LRRC4C: variants seen among roughly 807,000 people sequenced by gnomAD.
The protein encoded by LRRC4C is leucine-rich repeat-containing protein 4C.
A neutral mutation model predicts 33.6 loss-of-function variants in LRRC4C; 5 were observed. That is an observed-to-expected ratio of 0.15 (90% CI 0.08 to 0.31). LRRC4C has a LOEUF of 0.31. Among genes scored for constraint, LRRC4C ranks in the 10% least tolerant of loss-of-function variants. The pLI, the probability that LRRC4C is intolerant of heterozygous loss-of-function variation, is 1.00. For synonymous variants in LRRC4C, 329 were observed against 302.0 expected (o/e 1.09, Z -0.93); for missense variants, 560 against 796.7 (o/e 0.70, Z 3.58).
intron 1 of LRRC4C, among the ~76,000 whole-genome samples, chr11:41,113,632 G>A (rs1285534648): frequency 6.6e-6 from 1 of 152,086 alleles, no homozygotes; most frequent in Non-Finnish European, 1.5e-5. Flanking sequence ...TTGGCTGTAC[G>A]CTTCTTCTCT....
intron 2 of LRRC4C, among the ~76,000 whole-genome samples, chr11:40,914,586 A>G (rs934119171): frequency 3.7e-4 from 57 of 152,184 alleles, no homozygotes; most frequent in African/African-American, 1.4e-3. Flanking sequence ...CCCACAGCCA[A>G]TATCATACTG....
chr11:40,156,546 A>G (rs1046592271), intron 5 of LRRC4C, among the ~76,000 whole-genome samples: 1 of 152,182 alleles, frequency 6.6e-6, no homozygotes, highest in Non-Finnish European at 1.5e-5. Flanking sequence ...TCTTCTATAC[A>G]CCAACAGAAA....
rs189331665 is a variant in LRRC4C, at chr11:41,264,460, C to T, written c.-496+194971G>A. Among the ~76,000 whole-genome samples the T allele has an allele frequency of 7.2e-5, 11 of 152,190 alleles. No homozygotes were observed. In the East Asian group the frequency reaches 2.1e-3, roughly 29 times the overall value. On this transcript the variant is annotated intron_variant, in intron 1 of 6. Coordinates refer to ENST00000528697, the MANE Select transcript of LRRC4C (RefSeq NM_001258419.2). Reference sequence around the variant, plus strand: ...TCAGGATGGTGTCAAATGGCTCAAACTGTTGATACATAAAAGGAGTATATA... The same window carrying T: ...TCAGGATGGTGTCAAATGGCTCAAATTGTTGATACATAAAAGGAGTATATA...
rs372701355 is a variant in LRRC4C at position 41,421,879 on chromosome 11, C to T, written c.-496+37552G>A. ...AGTTTTAATTAAGCAGGAAGGAGTT[C>T]GAGGGTGTAGGACAGAGCAGATTGA... On this transcript the variant is annotated intron_variant, in intron 1 of 6. Coordinates refer to ENST00000528697, the MANE Select transcript of LRRC4C (RefSeq NM_001258419.2). Among the ~76,000 whole-genome samples, 508 of 152,024 alleles carry T rather than the reference C, an allele frequency of 3.3e-3. 3 individuals carry two copies. Among genetic ancestry groups the T allele is most frequent in the African/African-American group, 0.011 (463 of 41,486 alleles).
chr11:41,043,562 T>A (rs146052792), intron 1 of LRRC4C, among the ~76,000 whole-genome samples: 1 of 152,262 alleles, frequency 6.6e-6, no homozygotes, highest in African/African-American at 2.4e-5. Flanking sequence ...CCACACTAAA[T>A]AATATGAGTG....
At chr11:40,389,299 A>T (rs1268473606) in intron 3 of LRRC4C, among the ~76,000 whole-genome samples, 6 of 152,156 alleles carry the variant, frequency 3.9e-5, no homozygotes, top group Non-Finnish European at 7.4e-5. Flanking sequence ...GCCACTAAGA[A>T]AGAGCAGGGC....
chr11:40,799,966 A>G (rs545475234), intron 2 of LRRC4C, among the ~76,000 whole-genome samples: 1 of 152,298 alleles, frequency 6.6e-6, no homozygotes, highest in African/African-American at 2.4e-5. Context: ...CAGGTAACAC[A>G]CATTAAAAGA....
At chr11:40,585,060 G>A (rs1262060667) in intron 3 of LRRC4C, among the ~76,000 whole-genome samples, 1 of 152,084 alleles carries the variant, frequency 6.6e-6, no homozygotes, top group Non-Finnish European at 1.5e-5. Flanking sequence ...ACCATGTATT[G>A]GCACTGTCCT....
intron 5 of LRRC4C, among the ~76,000 whole-genome samples, chr11:40,153,352 C>A (rs1484124359): frequency 6.6e-6 from 1 of 152,122 alleles, no homozygotes; most frequent in South Asian, 2.1e-4. Flanking sequence ...AGCCAGAAAA[C>A]CAACCCTGGT....
intron 5 of LRRC4C, among the ~76,000 whole-genome samples, chr11:40,187,454 C>T (rs892995170): frequency 6.6e-6 from 1 of 151,762 alleles, no homozygotes; most frequent in Non-Finnish European, 1.5e-5. Flanking sequence ...GTTGCAATTC[C>T]TTATCAGATA....
intron 1 of LRRC4C, among the ~76,000 whole-genome samples, chr11:41,084,946 G>A (rs936301826): frequency 4.6e-5 from 7 of 152,150 alleles, no homozygotes; most frequent in African/African-American, 1.7e-4. Flanking sequence ...AGCTTAGTTA[G>A]GATTCCATGT....
At chr11:41,093,927 CAAA>C (rs56173087) in intron 1 of LRRC4C, among the ~76,000 whole-genome samples, 2 of 58,990 alleles carry the variant, frequency 3.4e-5, no homozygotes, top group Admixed American at 2.4e-4. Context: ...CCGTCTCCAC[CAAA>C]AAAAAAAAAA....
intron 3 of LRRC4C, among the ~76,000 whole-genome samples, chr11:40,373,935 C>T (rs538442141): frequency 6.6e-6 from 1 of 152,242 alleles, no homozygotes; most frequent in East Asian, 1.9e-4. Context: ...AATAAAATAT[C>T]CAACCTCAGA....
chr11:41,245,776 G>A (rs1434670549), intron 1 of LRRC4C, among the ~76,000 whole-genome samples: 2 of 152,180 alleles, frequency 1.3e-5, no homozygotes, highest in African/African-American at 2.4e-5. Flanking sequence ...TGAGGTACGC[G>A]GACAAGTGGA....
intron 1 of LRRC4C, among the ~76,000 whole-genome samples, chr11:40,968,567 C>G (rs1333428918): frequency 2.0e-5 from 3 of 152,062 alleles, no homozygotes; most frequent in African/African-American, 4.8e-5. Context: ...TATTAGGGGC[C>G]AATAAAACTG....
chr11:40,933,289 C>T (rs1957715532), intron 2 of LRRC4C, among the ~76,000 whole-genome samples: 1 of 152,212 alleles, frequency 6.6e-6, no homozygotes, highest in Non-Finnish European at 1.5e-5. Flanking sequence ...ATTTGTGTGC[C>T]TCAAGGAGAA....
intron 1 of LRRC4C, among the ~76,000 whole-genome samples, chr11:41,135,880 C>CA (rs1483508010): frequency 6.6e-6 from 1 of 152,172 alleles, no homozygotes; most frequent in Non-Finnish European, 1.5e-5. Context: ...CTCTGGCTAA[C>CA]ATATCAAGCT....
intron 2 of LRRC4C, among the ~76,000 whole-genome samples, chr11:40,828,120 A>G (rs981694554): frequency 6.7e-6 from 1 of 149,896 alleles, no homozygotes; most frequent in Admixed American, 6.8e-5. Context: ...AACGATATGT[A>G]TACTGCCCTT....
At chr11:40,311,522 C>T (rs772950524) in intron 4 of LRRC4C, among the ~76,000 whole-genome samples, 9 of 152,110 alleles carry the variant, frequency 5.9e-5, no homozygotes, top group Non-Finnish European at 1.3e-4. Flanking sequence ...AATAGTTTGC[C>T]TTCTTGGGCA....
Sources: gnomAD v4.1 joint callset for allele counts (sites outside exome capture counted in the v4.1 genomes callset) on GRCh38, gnomAD v4.1.1 for gene constraint, MANE v1.5 for transcripts, NCBI Gene and HGNC (gene_info 2026-07-23, HGNC 2026-07-21) for gene names.